ABR: variants seen among roughly 807,000 people sequenced by gnomAD.
The protein encoded by ABR is ABR activator of RhoGEF and GTPase.
ABR carries 35 observed loss-of-function variants against 107.2 expected under a neutral mutation model. That is an observed-to-expected ratio of 0.33 (90% confidence interval 0.25 to 0.43). The LOEUF (loss-of-function observed/expected upper bound fraction) is 0.43, where lower values mean the gene tolerates loss of function less well. Among genes scored for constraint, ABR ranks in the 20% least tolerant of loss-of-function variants. The pLI, the probability that ABR is intolerant of heterozygous loss-of-function variation, is 1.00. For missense variants in ABR, 815 were observed against 1,115.2 expected (o/e 0.73, Z 3.83); for synonymous variants, 498 against 462.0 (o/e 1.08, Z -1.00).
chr17:1,046,016 G>A (rs2031531491), intron 16 of ABR, among the ~76,000 whole-genome samples: 2 of 152,124 alleles, frequency 1.3e-5, no homozygotes, highest in South Asian at 4.1e-4. Context: ...GATTACAGGT[G>A]CCCGCCATCA....
In ABR at chr17:1,068,250, C is replaced by T. The variant is rs1047008294; in HGVS notation, c.1017-1008G>A. ...GCCCGCCCAGTCATCCCTTTATTGA[C>T]GTTCATAATCATCGATCCTTCCCCT... is the stretch of plus-strand genomic sequence containing the variant. On this transcript the variant is annotated intron_variant, in intron 9 of 22. Coordinates refer to ENST00000302538, the MANE Select transcript of ABR (RefSeq NM_021962.5). Among the ~76,000 whole-genome samples, 5 of 152,208 alleles carry T rather than the reference C, an allele frequency of 3.3e-5. No homozygotes were observed. In the East Asian group the frequency reaches 5.8e-4, roughly 18 times the overall value.
chr17:1,080,196 C>G (rs1217283100), intron 5 of ABR, among the ~76,000 whole-genome samples: 1 of 152,102 alleles, frequency 6.6e-6, no homozygotes, highest in Non-Finnish European at 1.5e-5. Context: ...GCATCCTACC[C>G]CCATCAGAGA....
At chr17:1,104,874 T>TA (rs771741452) in intron 2 of ABR, among the ~76,000 whole-genome samples, 1 of 152,224 alleles carries the variant, frequency 6.6e-6, no homozygotes, top group Non-Finnish European at 1.5e-5. Flanking sequence ...TCTGAGGTCT[T>TA]AGGCAGGCAC....
chr17:1,172,891 C>T (rs903443823), intron 1 of ABR, among the ~76,000 whole-genome samples: 1 of 152,020 alleles, frequency 6.6e-6, no homozygotes, highest in African/African-American at 2.4e-5. Context: ...AACTCTCCCC[C>T]TGGTACAAAC....
intron 3 of ABR, among the ~76,000 whole-genome samples, chr17:1,094,780 G>A (rs1265992041): frequency 6.6e-6 from 1 of 152,172 alleles, no homozygotes; most frequent in Non-Finnish European, 1.5e-5. Context: ...TTGTGCTGGA[G>A]TAGCCTGGAG....
chr17:1,165,752 C>G (rs906835147), intron 1 of ABR, among the ~76,000 whole-genome samples: 5 of 152,196 alleles, frequency 3.3e-5, no homozygotes, highest in African/African-American at 1.2e-4. Context: ...AAGCTGGTCT[C>G]GAACTCATGA....
At chr17:1,064,473 T>G (rs2034452540) in intron 10 of ABR, among the ~76,000 whole-genome samples, 1 of 107,298 alleles carries the variant, frequency 9.3e-6, no homozygotes, top group African/African-American at 3.4e-5. Flanking sequence ...AACTGAGGGC[T>G]ATGCATGTTC....
intron 16 of ABR, among the ~76,000 whole-genome samples, chr17:1,018,251 C>T (rs1368628983): frequency 3.3e-5 from 5 of 151,626 alleles, no homozygotes; most frequent in East Asian, 2.0e-4. Flanking sequence ...ACCGTGTTAG[C>T]CAGGATGGTC....
chr17:1,061,536 G>C (rs1292407393), intron 10 of ABR, among the ~76,000 whole-genome samples: 3 of 132,510 alleles, frequency 2.3e-5, no homozygotes, highest in Non-Finnish European at 4.8e-5. Context: ...ATAATTGTTT[G>C]TTTACTAAGT....
chr17:1,012,924 C>T (rs2070750747), intron 17 of ABR, 127 bp from the exon 18 acceptor site: 4 of 1,065,526 alleles, frequency 3.8e-6, no homozygotes, highest in Admixed American at 4.0e-5. Context: ...TCTCCCTCAA[C>T]ACAACACCTG....
chr17:1,197,260 G>A (rs569379335), intron 1 of ABR, among the ~76,000 whole-genome samples: 6 of 151,876 alleles, frequency 4.0e-5, no homozygotes, highest in African/African-American at 1.2e-4. Context: ...CTGCTGTGGC[G>A]CAGGGAGGGT....
intron 1 of ABR, among the ~76,000 whole-genome samples, chr17:1,211,062 G>A (rs1174125395): frequency 6.6e-6 from 1 of 152,094 alleles, no homozygotes; most frequent in African/African-American, 2.4e-5. Flanking sequence ...GACGGATCAT[G>A]AGGTCAGGAG....
chr17:1,017,845 C>T (rs1597381990), intron 16 of ABR, among the ~76,000 whole-genome samples: 2 of 151,818 alleles, frequency 1.3e-5, no homozygotes, highest in South Asian at 2.1e-4. Flanking sequence ...TCAGGTGGTC[C>T]GCCCACCTTG....
chr17:1,226,648 ATG>A (rs1350693214), intron 1 of ABR, among the ~76,000 whole-genome samples: 1 of 147,582 alleles, frequency 6.8e-6, no homozygotes, highest in Non-Finnish European at 1.5e-5. Flanking sequence ...GAAGGTGTGA[ATG>A]TGTGCATGTA....
In ABR at chr17:1,108,836, G is replaced by A; in HGVS notation, c.247-8101C>T. The stretch of plus-strand genomic sequence containing the variant: ...GACCCTCCGCCGAGGGCTTCCACCC[G>A]GCCGCGCGCTCTGCGCCCGCATCAG... On this transcript the variant is annotated intron_variant, in intron 2 of 22. Transcript: ENST00000302538. 7 of 1,399,350 alleles carry A rather than the reference G, an allele frequency of 5.0e-6. No homozygotes were observed. The South Asian group carries it at 1.1e-4, about 21-fold the overall frequency. The allele number at this position is 1,399,350 out of a possible 1,614,324, so 86.7% of individuals were successfully genotyped here.
intron 1 of ABR, among the ~76,000 whole-genome samples, chr17:1,176,963 C>T (rs951090973): frequency 6.6e-6 from 1 of 152,068 alleles, no homozygotes; most frequent in East Asian, 1.9e-4. Context: ...TCATTGTTAC[C>T]AGGAACAATG....
chr17:1,057,457 A>G (rs1158483272), intron 12 of ABR, among the ~76,000 whole-genome samples: 1 of 151,626 alleles, frequency 6.6e-6, no homozygotes, highest in Non-Finnish European at 1.5e-5. Context: ...AGCTCACTGC[A>G]ACCTCCGCCT....
intron 16 of ABR, among the ~76,000 whole-genome samples, chr17:1,036,979 C>G (rs963108817): frequency 6.6e-6 from 1 of 152,118 alleles, no homozygotes; most frequent in African/African-American, 2.4e-5. Context: ...ATGTTTGTTT[C>G]TTTCTTTCCT....
At position 1,088,624 on chromosome 17, in the gene ABR, C is replaced by T. The variant is rs924777220; in HGVS notation, c.531+3041G>A. Among the ~76,000 whole-genome samples the T allele has an allele frequency of 5.3e-5, 8 of 151,944 alleles. No homozygotes were observed. The East Asian group carries it at 1.5e-3, about 29-fold the overall frequency. On this transcript the variant is annotated intron_variant, in intron 4 of 22. Coordinates refer to ENST00000302538, the MANE Select transcript of ABR (RefSeq NM_021962.5). ...TTTTGAGACAGAGTCTTGCTCTTGTCGCCCAGGCTGGAGTGGAGTGGCACG... is the reference window on the plus strand; with the variant it reads ...TTTTGAGACAGAGTCTTGCTCTTGTTGCCCAGGCTGGAGTGGAGTGGCACG...
Sources: gnomAD v4.1 joint callset for allele counts (sites outside exome capture counted in the v4.1 genomes callset) on GRCh38, gnomAD v4.1.1 for gene constraint, MANE v1.5 for transcripts, NCBI Gene and HGNC (gene_info 2026-07-23, HGNC 2026-07-21) for gene names.